Variants in PRKCE observed in about 807,000 individuals in gnomAD.
PRKCE encodes protein kinase C epsilon.
In PRKCE, 16 loss-of-function variants were observed where a neutral mutation model predicts 85.4. The observed-to-expected ratio is 0.19, with a 90% CI of 0.13 to 0.28. The LOEUF (loss-of-function observed/expected upper bound fraction) is 0.28, where lower values mean the gene tolerates loss of function less well. PRKCE is among the 10% of genes least tolerant of loss of function. The pLI, the probability that PRKCE is intolerant of heterozygous loss-of-function variation, is 1.00. For synonymous variants in PRKCE, 388 were observed against 371.5 expected, an observed-to-expected ratio of 1.04 and a Z score of -0.51; for missense variants, 573 against 975.2, an observed-to-expected ratio of 0.59 and a Z score of 5.49.
intron 1 of PRKCE, among the ~76,000 whole-genome samples, chr2:45,716,959 G>A (rs1254855808): frequency 4.6e-5 from 7 of 152,194 alleles, no homozygotes; most frequent in Non-Finnish European, 1.5e-5. Flanking sequence ...ACTATCATGA[G>A]AATAGCATGG....
Position 46,004,518 on chromosome 2 carries a change from G to C in PRKCE, c.967-24G>C. The C allele has an allele frequency of 2.6e-6, 4 of 1,549,940 alleles. No homozygotes were observed. The highest frequency in any genetic ancestry group is 3.5e-6 in the Non-Finnish European group (4 of 1,150,376). On this transcript the variant is annotated intron_variant, in intron 7 of 14. Coordinates refer to ENST00000306156, the MANE Select transcript of PRKCE (RefSeq NM_005400.3). The surrounding 1 kb of genome is among the most constrained non-coding windows in gnomAD (Gnocchi z 4.1). ...CTCAACCCTCCCTTCTGATGCCTCT[G>C]TCCCTGCTTTCTCTCCTCTCTAGCT...
intron 1 of PRKCE, among the ~76,000 whole-genome samples, chr2:45,707,377 T>A (rs1253256107): frequency 1.3e-5 from 2 of 152,204 alleles, no homozygotes; most frequent in African/African-American, 4.8e-5. Flanking sequence ...GAGTGGATAA[T>A]AACACCTTAT....
At chr2:45,689,827 C>T (rs1207869910) in intron 1 of PRKCE, among the ~76,000 whole-genome samples, 1 of 147,490 alleles carries the variant, frequency 6.8e-6, no homozygotes, top group African/African-American at 2.5e-5. Context: ...ACCTGGGAGG[C>T]AGAGGTTGCA....
At chr2:45,871,858 G>C (rs991397724) in intron 2 of PRKCE, among the ~76,000 whole-genome samples, 3 of 152,168 alleles carry the variant, frequency 2.0e-5, no homozygotes, top group African/African-American at 7.2e-5. Flanking sequence ...TGCGGAGTTT[G>C]ATGTCTGGGG....
intron 1 of PRKCE, among the ~76,000 whole-genome samples, chr2:45,769,034 C>T (rs1685118298): frequency 6.6e-6 from 1 of 152,258 alleles, no homozygotes; most frequent in Non-Finnish European, 1.5e-5. Context: ...ATTTTGGCAG[C>T]AGAGCTGTGG....
At chr2:45,746,252 C>A (rs1325935291) in intron 1 of PRKCE, among the ~76,000 whole-genome samples, 1 of 152,154 alleles carries the variant, frequency 6.6e-6, no homozygotes, top group Non-Finnish European at 1.5e-5. Context: ...TCACTTCTGT[C>A]CAAATCACTC....
At chr2:46,022,899 A>G (rs917163233) in intron 10 of PRKCE, among the ~76,000 whole-genome samples, 2 of 151,624 alleles carry the variant, frequency 1.3e-5, no homozygotes, top group African/African-American at 4.8e-5. Context: ...CTGGCTAACA[A>G]GGTGAAATCC....
At chr2:46,026,275 T>C (rs1264033214) in intron 10 of PRKCE, among the ~76,000 whole-genome samples, 8 of 152,126 alleles carry the variant, frequency 5.3e-5, no homozygotes, top group Admixed American at 5.2e-4. Flanking sequence ...ATGTGGATGG[T>C]TCAAAGATTA....
intron 1 of PRKCE, among the ~76,000 whole-genome samples, chr2:45,720,101 C>G (rs1469400826): frequency 6.6e-6 from 1 of 152,098 alleles, no homozygotes; most frequent in East Asian, 1.9e-4. Context: ...TCCTTCTTCT[C>G]TGATGGAGCT....
chr2:45,933,543 G>C (rs534031677), intron 2 of PRKCE, among the ~76,000 whole-genome samples: 3 of 131,358 alleles, frequency 2.3e-5, no homozygotes, highest in Non-Finnish European at 4.6e-5. Flanking sequence ...GCGCGATCTC[G>C]GCTCACTGCA....
At chr2:45,902,777 T>A (rs1696672230) in intron 2 of PRKCE, among the ~76,000 whole-genome samples, 1 of 152,232 alleles carries the variant, frequency 6.6e-6, no homozygotes, top group African/African-American at 2.4e-5. Context: ...CAAAAATATT[T>A]ACATTTCTGA....
At chr2:45,755,931 G>A (rs1448814344) in intron 1 of PRKCE, among the ~76,000 whole-genome samples, 1 of 152,234 alleles carries the variant, frequency 6.6e-6, no homozygotes. Flanking sequence ...GAAGGTAGAA[G>A]GGAGGAGGAT....
intron 2 of PRKCE, among the ~76,000 whole-genome samples, chr2:45,964,819 T>G (rs1478380427): frequency 2.0e-5 from 3 of 152,192 alleles, no homozygotes; most frequent in Non-Finnish European, 4.4e-5. Flanking sequence ...TTGACTCAGT[T>G]TACTCTAATG....
At chr2:45,757,926 C>A (rs1418594311) in intron 1 of PRKCE, among the ~76,000 whole-genome samples, 4 of 152,146 alleles carry the variant, frequency 2.6e-5, no homozygotes, top group South Asian at 2.1e-4. Context: ...CCTTTGAGGA[C>A]TAGTCAAGGG....
chr2:45,864,621 A>G (rs1459859190), intron 2 of PRKCE, among the ~76,000 whole-genome samples: 5 of 152,230 alleles, frequency 3.3e-5, no homozygotes, highest in African/African-American at 9.6e-5. Flanking sequence ...TCTGAAGAGT[A>G]TAGGGAGCAT....
chr2:46,067,636 G>A (rs926738482), intron 10 of PRKCE, among the ~76,000 whole-genome samples: 4 of 152,208 alleles, frequency 2.6e-5, no homozygotes, highest in Admixed American at 2.0e-4. Context: ...TTTATGTGTT[G>A]CAGGAACGCT....
At chr2:45,742,822 A>T (rs375501913) in intron 1 of PRKCE, among the ~76,000 whole-genome samples, 2 of 152,344 alleles carry the variant, frequency 1.3e-5, no homozygotes, top group East Asian at 3.9e-4. Context: ...ACTGTCTCAA[A>T]GAGAAATCTG....
chr2:46,166,605 T>C (rs1227692694), intron 14 of PRKCE, among the ~76,000 whole-genome samples: 1 of 152,196 alleles, frequency 6.6e-6, no homozygotes, highest in African/African-American at 2.4e-5. Flanking sequence ...CATGTGACAC[T>C]CAGAATTCAC....
chr2:45,980,246 C>G, intron 4 of PRKCE, 50 bp from the exon 5 acceptor site: 1 of 1,563,958 alleles, frequency 6.4e-7, no homozygotes, highest in Non-Finnish European at 8.7e-7. Context: ...CTGGGAGGGA[C>G]ACTCCCTTTC....
Sources: gnomAD v4.1 joint callset for allele counts (sites outside exome capture counted in the v4.1 genomes callset) on GRCh38, gnomAD v4.1.1 for gene constraint, Gnocchi (gnomAD v3.1) non-coding constraint, MANE v1.5 for transcripts, NCBI Gene and HGNC (gene_info 2026-07-23, HGNC 2026-07-21) for gene names.